The following ANKFN1 variants were observed in gnomAD, a reference collection of about 807,000 sequenced individuals.
The protein encoded by ANKFN1 is ankyrin repeat and fibronectin type-III domain-containing protein 1.
In ANKFN1, 74 loss-of-function variants were observed where a neutral mutation model predicts 108.7. The ratio of observed to expected loss-of-function variants is 0.68; its 90% CI spans 0.56 to 0.83. The LOEUF is 0.83. Among genes scored for constraint, ANKFN1 ranks in the 40% least tolerant of loss-of-function variants. The pLI is 0.00. For synonymous variants in ANKFN1, 547 were observed against 516.2 expected (o/e 1.06, Z -0.81); for missense variants, 1,505 against 1,382.3 (o/e 1.09, Z -1.41).
intron 4 of ANKFN1, among the ~76,000 whole-genome samples, chr17:56,142,023 C>T (rs1907956307): frequency 6.6e-6 from 1 of 150,924 alleles, no homozygotes; most frequent in Non-Finnish European, 1.5e-5. Flanking sequence ...CTCTGCCTCC[C>T]AGGTTCCAGT....
chr17:56,282,527 G>A (rs1318038177), intron 3 of ANKFN1, among the ~76,000 whole-genome samples: 1 of 152,134 alleles, frequency 6.6e-6, no homozygotes, highest in Non-Finnish European at 1.5e-5. Flanking sequence ...GTACTATAAA[G>A]TGTTTTAATT....
chr17:56,397,662 A>G (rs1271621207), intron 8 of ANKFN1, among the ~76,000 whole-genome samples: 2 of 152,246 alleles, frequency 1.3e-5, no homozygotes, highest in African/African-American at 2.4e-5. Context: ...AAACTAAGCC[A>G]AAGTGATACA....
intron 4 of ANKFN1, among the ~76,000 whole-genome samples, chr17:56,091,101 G>T (rs8076565): frequency 6.6e-6 from 1 of 150,792 alleles, no homozygotes; most frequent in Non-Finnish European, 1.5e-5. Context: ...AGCATAAGAC[G>T]TAGTAGCGCC....
intron 3 of ANKFN1, among the ~76,000 whole-genome samples, chr17:56,239,203 A>G (rs570853736): frequency 4.6e-5 from 7 of 152,298 alleles, no homozygotes; most frequent in Admixed American, 3.3e-4. Flanking sequence ...AATAGAAAAA[A>G]ATGTTTAGTT....
chr17:56,095,434 G>A (rs1905515460), intron 4 of ANKFN1, among the ~76,000 whole-genome samples: 1 of 150,860 alleles, frequency 6.6e-6, no homozygotes, highest in African/African-American at 2.4e-5. Flanking sequence ...TGGAACTACA[G>A]GTGCATGCCG....
Position 56,052,424 on chromosome 17 carries a change from C to T in ANKFN1, c.288+6099C>T, listed in dbSNP as rs1444512970. ...GGACAGACCAGGAGAAATGGCATGC[C>T]CGTGGCCTGCAGAAAAGAATAAAGC... On this transcript the variant is annotated intron_variant, in intron 4 of 12. Transcript: ENST00000635860. Among the ~76,000 whole-genome samples the T allele has an allele frequency of 3.3e-5, 5 of 152,072 alleles. No homozygotes were observed. The East Asian group carries it at 9.7e-4, about 29-fold the overall frequency.
At chr17:56,288,926 C>T (rs1297622541) in intron 3 of ANKFN1, among the ~76,000 whole-genome samples, 1 of 152,200 alleles carries the variant, frequency 6.6e-6, no homozygotes, top group East Asian at 1.9e-4. Flanking sequence ...AATTATCATC[C>T]ACGGGTTAGC....
chr17:56,181,773 A>G (rs914236088), intron 1 of ANKFN1, among the ~76,000 whole-genome samples: 1 of 152,132 alleles, frequency 6.6e-6, no homozygotes, highest in Admixed American at 6.6e-5. Flanking sequence ...TACTCATTTA[A>G]TTGTGCCTTG....
intron 4 of ANKFN1, among the ~76,000 whole-genome samples, chr17:56,092,554 G>A (rs1209998166): frequency 1.3e-5 from 2 of 151,012 alleles, no homozygotes; most frequent in African/African-American, 2.4e-5. Flanking sequence ...GATTACAGGC[G>A]TGAGCCACCG....
At chr17:56,174,748 A>T (rs1910978816) in intron 1 of ANKFN1, among the ~76,000 whole-genome samples, 1 of 152,168 alleles carries the variant, frequency 6.6e-6, no homozygotes, top group African/African-American at 2.4e-5. Flanking sequence ...ATGAACAAAG[A>T]TTGATCTCCC....
At chr17:56,097,645 T>C (rs916263229) in intron 4 of ANKFN1, among the ~76,000 whole-genome samples, 1 of 152,238 alleles carries the variant, frequency 6.6e-6, no homozygotes, top group Admixed American at 6.5e-5. Context: ...AGTCAGTTCA[T>C]ATCACTCTTC....
chr17:56,457,433 G>C (rs2049746035), intron 13 of ANKFN1, 44 bp downstream of exon 13: 2 of 1,525,332 alleles, frequency 1.3e-6, no homozygotes, highest in Non-Finnish European at 1.8e-6. Context: ...TTGTACCAAT[G>C]TTACTGCACA....
At chr17:56,471,868 TG>T (rs1378621721) in intron 15 of ANKFN1, 1 of 152,200 alleles carries the variant, frequency 6.6e-6, no homozygotes, top group Non-Finnish European at 1.5e-5. Flanking sequence ...AGTAGATTAG[TG>T]GTTTCAGGAA....
chr17:56,363,124 T>G (rs1037968038), intron 6 of ANKFN1, among the ~76,000 whole-genome samples: 1 of 152,020 alleles, frequency 6.6e-6, no homozygotes, highest in Non-Finnish European at 1.5e-5. Flanking sequence ...CTCGGGAGGC[T>G]GAGGCAGGAG....
At chr17:56,222,379 A>G (rs926163614) in intron 2 of ANKFN1, among the ~76,000 whole-genome samples, 7 of 152,198 alleles carry the variant, frequency 4.6e-5, no homozygotes, top group Non-Finnish European at 2.9e-5. Context: ...TTTCACTGTA[A>G]TGGGTCAGAA....
intron 1 of ANKFN1, among the ~76,000 whole-genome samples, chr17:56,160,323 C>G (rs748298893): frequency 6.6e-6 from 1 of 152,202 alleles, no homozygotes; most frequent in African/African-American, 2.4e-5. Context: ...ATTACAAACT[C>G]TGCAAGTTTC....
chr17:56,403,952 G>T (rs978194629), intron 8 of ANKFN1, among the ~76,000 whole-genome samples: 44 of 152,040 alleles, frequency 2.9e-4, no homozygotes, highest in African/African-American at 7.7e-4. Context: ...CAAAATCCTT[G>T]GTTGATAATT....
chr17:56,104,650 A>G (rs1183905352), intron 4 of ANKFN1, among the ~76,000 whole-genome samples: 5 of 152,204 alleles, frequency 3.3e-5, no homozygotes, highest in Non-Finnish European at 7.3e-5. Flanking sequence ...ATGGAGGCTC[A>G]GGTGATTTGC....
chr17:56,261,880 C>T (rs542289464), intron 3 of ANKFN1, among the ~76,000 whole-genome samples: 5 of 152,258 alleles, frequency 3.3e-5, no homozygotes, highest in African/African-American at 1.2e-4. Flanking sequence ...ATCCTTCAAT[C>T]CAATCAAGTT....
Sources: allele counts gnomAD v4.1 joint callset (sites outside exome capture counted in the v4.1 genomes callset), GRCh38; gene constraint gnomAD v4.1.1; transcripts MANE v1.5; gene names NCBI Gene and HGNC (gene_info 2026-07-23, HGNC 2026-07-21).